Variants in IL1R1 observed in about 807,000 individuals in gnomAD.
IL1R1 encodes interleukin 1 receptor type 1.
In IL1R1, 22 loss-of-function variants were observed where a neutral mutation model predicts 50.2. The observed-to-expected ratio is 0.44, with a 90% CI of 0.31 to 0.63. IL1R1 has a LOEUF of 0.63. IL1R1 is among the 20% of genes least tolerant of loss of function. IL1R1 has a pLI of 0.07. For missense variants in IL1R1, 509 were observed against 676.2 expected, an observed-to-expected ratio of 0.75 and a Z score of 2.74; for synonymous variants, 251 against 236.7, an observed-to-expected ratio of 1.06 and a Z score of -0.55.
At chr2:102,072,238 T>C (rs113921359) in intron 1 of IL1R1, among the ~76,000 whole-genome samples, 6,732 of 148,448 alleles carry the variant, frequency 0.045, 460 homozygotes, top group African/African-American at 0.16. Flanking sequence ...CCAGCCTGGG[T>C]GACAGAGCAA....
chr2:102,112,310 ACG>A (rs1491393555), intron 1 of IL1R1, among the ~76,000 whole-genome samples: 1 of 65,582 alleles, frequency 1.5e-5, no homozygotes, highest in African/African-American at 7.0e-5. Context: ...GTGGGGATTA[ACG>A]TGTGTGTGTG....
Position 102,176,600 on chromosome 2 carries a change from G to T in IL1R1, c.1551G>T (p.Gly517=), listed in dbSNP as rs932736907. 1 of 1,614,010 alleles carries T rather than the reference G, an allele frequency of 6.2e-7. No homozygotes were observed. Among genetic ancestry groups the T allele is most frequent in the Non-Finnish European group, 8.5e-7 (1 of 1,180,024 alleles). ...KQKHGAIRWS[G]DFTQGPQSAK... ...AACATGGGGCTATCCGCTGGTCAGG[G>T]GACTTTACACAGGGACCACAGTCTG... The change falls in exon 12 of 12, where the codon GGG becomes GGT. Residue 517 remains glycine, a synonymous_variant. Transcript: ENST00000410023.
chr2:102,175,112 A>C (rs1407930658), intron 10 of IL1R1, among the ~76,000 whole-genome samples: 1 of 147,350 alleles, frequency 6.8e-6, no homozygotes, highest in Non-Finnish European at 1.5e-5. Context: ...TCCTTTGTTT[A>C]AACTTTGCGA....
intron 9 of IL1R1, among the ~76,000 whole-genome samples, chr2:102,173,238 T>C (rs3917308): frequency 0.037 from 5,608 of 152,288 alleles, 348 homozygotes; most frequent in African/African-American, 0.13. Context: ...ATGAACTACA[T>C]TGATGATGCA....
chr2:102,080,687 A>T (rs975837044), intron 1 of IL1R1, among the ~76,000 whole-genome samples: 1 of 152,230 alleles, frequency 6.6e-6, no homozygotes, highest in Non-Finnish European at 1.5e-5. Context: ...TAGAGTTGCC[A>T]TATGACTCAG....
At chr2:102,148,159 G>A (rs111474438) in intron 1 of IL1R1, among the ~76,000 whole-genome samples, 9 of 152,320 alleles carry the variant, frequency 5.9e-5, no homozygotes, top group East Asian at 1.9e-4. Context: ...ATGATAGAGC[G>A]TGGGTGACTA....
chr2:102,082,739 G>A (rs1219839552), intron 1 of IL1R1, among the ~76,000 whole-genome samples: 1 of 152,156 alleles, frequency 6.6e-6, no homozygotes, highest in African/African-American at 2.4e-5. Flanking sequence ...CAGCAGGGCT[G>A]TCTTCACTGA....
intron 3 of IL1R1, among the ~76,000 whole-genome samples, chr2:102,163,973 T>A (rs1476622071): frequency 6.6e-6 from 1 of 152,214 alleles, no homozygotes; most frequent in East Asian, 1.9e-4. Flanking sequence ...AGAACCCTTC[T>A]GGGTACTCTG....
At chr2:102,149,129 C>G (rs951533353) in intron 1 of IL1R1, among the ~76,000 whole-genome samples, 2 of 152,138 alleles carry the variant, frequency 1.3e-5, no homozygotes, top group African/African-American at 4.8e-5. Flanking sequence ...TTTTTCAGGA[C>G]TCATTCATGG....
chr2:102,092,906 C>T (rs547742530), intron 1 of IL1R1, among the ~76,000 whole-genome samples: 3 of 152,018 alleles, frequency 2.0e-5, no homozygotes, highest in Non-Finnish European at 2.9e-5. Flanking sequence ...AATGAAATTT[C>T]GCCAAGATGT....
chr2:102,177,116 A>C lies in IL1R1; in HGVS notation c.*357A>C. On this transcript the variant is annotated 3_prime_UTR_variant, in exon 12 of 12. Coordinates refer to ENST00000410023, the MANE Select transcript of IL1R1 (RefSeq NM_000877.4). Reference sequence around the variant, plus strand: ...CCCCATCTCTACTAAAAATACAAAAATGAGCTAGGCATGGTGGCACACGCC... The same window carrying C: ...CCCCATCTCTACTAAAAATACAAAACTGAGCTAGGCATGGTGGCACACGCC... 3 of 224,056 alleles carry C rather than the reference A, an allele frequency of 1.3e-5. No homozygotes were observed. Among genetic ancestry groups the C allele is most frequent in the Non-Finnish European group, 9.1e-6 (1 of 109,772 alleles). 13.9% of individuals were successfully genotyped at this position (224,056 alleles called of 1,614,324 possible).
intron 6 of IL1R1, among the ~76,000 whole-genome samples, chr2:102,167,690 C>A (rs1282125458): frequency 6.6e-6 from 1 of 151,942 alleles, no homozygotes; most frequent in African/African-American, 2.4e-5. Flanking sequence ...CCTCGTGATC[C>A]GCCCACCTCT....
chr2:102,165,033 A>T (rs761974357), intron 4 of IL1R1, 25 bp downstream of exon 4: 1 of 1,592,662 alleles, frequency 6.3e-7, no homozygotes, highest in Non-Finnish European at 8.6e-7. Flanking sequence ...AGTATGTTAC[A>T]AACATGTTCT....
chr2:102,156,593 C>G (rs1684216383), intron 2 of IL1R1, among the ~76,000 whole-genome samples: 1 of 151,890 alleles, frequency 6.6e-6, no homozygotes, highest in Admixed American at 6.6e-5. Context: ...CTCACTGCAA[C>G]CCCCGCCTCC....
At chr2:102,144,745 A>T (rs1327231601) in intron 1 of IL1R1, among the ~76,000 whole-genome samples, 1 of 152,090 alleles carries the variant, frequency 6.6e-6, no homozygotes, top group Admixed American at 6.6e-5. Context: ...AAGGGTGTGG[A>T]TGCACTGGCT....
intron 1 of IL1R1, among the ~76,000 whole-genome samples, chr2:102,117,269 G>A (rs1363307370): frequency 6.6e-6 from 1 of 152,132 alleles, no homozygotes; most frequent in Non-Finnish European, 1.5e-5. Context: ...GACTTGGTCT[G>A]TATTTGTCCA....
In IL1R1 at chr2:102,118,911, G is replaced by A. The variant is rs377381491; in HGVS notation, c.-84+14039G>A. ...CAGGCACCTGTAGTCCCAGCTACTC[G>A]GGAGGCTGAGGCAGGAGAATGGTAT... On this transcript the variant is annotated intron_variant, in intron 1 of 10. Coordinates refer to the IL1R1 transcript ENST00000409329. Among the ~76,000 whole-genome samples, 15 of 151,640 alleles carry A rather than the reference G, an allele frequency of 9.9e-5. No homozygotes were observed. The East Asian group carries it at 1.8e-3, about 18-fold the overall frequency.
chr2:102,125,141 G>A (rs923853588), intron 1 of IL1R1, among the ~76,000 whole-genome samples: 7 of 152,170 alleles, frequency 4.6e-5, no homozygotes, highest in Non-Finnish European at 8.8e-5. Flanking sequence ...GCTCTTCCTC[G>A]GCTACCACAC....
At chr2:102,110,162 T>C (rs1387793083) in intron 1 of IL1R1, among the ~76,000 whole-genome samples, 1 of 152,194 alleles carries the variant, frequency 6.6e-6, no homozygotes, top group African/African-American at 2.4e-5. Flanking sequence ...TTCTAGTTTT[T>C]TCTTCCACCT....
Sources: allele counts gnomAD v4.1 joint callset (sites outside exome capture counted in the v4.1 genomes callset), GRCh38; gene constraint gnomAD v4.1.1; transcripts MANE v1.5; gene names NCBI Gene and HGNC (gene_info 2026-07-23, HGNC 2026-07-21).